MYT1L: variants seen among roughly 807,000 people sequenced by gnomAD.
MYT1L encodes myelin transcription factor 1 like.
A neutral mutation model predicts 126.7 loss-of-function variants in MYT1L; 12 were observed. The observed-to-expected ratio is 0.09, with a 90% confidence interval of 0.06 to 0.15. The LOEUF (loss-of-function observed/expected upper bound fraction) is 0.15. MYT1L is among the 10% of genes least tolerant of loss of function. The pLI, the probability that MYT1L is intolerant of heterozygous loss-of-function variation, is 1.00. For missense variants in MYT1L, 979 were observed against 1,585.2 expected, an observed-to-expected ratio of 0.62 and a Z score of 6.49; for synonymous variants, 541 against 604.2, an observed-to-expected ratio of 0.90 and a Z score of 1.53.
intron 23 of MYT1L, among the ~76,000 whole-genome samples, chr2:1,797,100 T>G (rs1287012917): frequency 6.6e-6 from 1 of 152,160 alleles, no homozygotes; most frequent in Non-Finnish European, 1.5e-5. Flanking sequence ...GTGTCCAGCT[T>G]GGGTGCTTCA....
At chr2:2,194,171 TG>T (rs2092706077) in intron 2 of MYT1L, among the ~76,000 whole-genome samples, 1 of 152,010 alleles carries the variant, frequency 6.6e-6, no homozygotes, top group Admixed American at 6.6e-5. Flanking sequence ...CCTTGACTCC[TG>T]GGGCTCAAGT....
chr2:2,087,940 C>T lies in MYT1L; in HGVS notation c.-303-33817G>A, dbSNP rs542305517. On this transcript the variant is annotated intron_variant, in intron 3 of 24. Transcript: ENST00000647738. ...CCATAGCCTTGCCTTGACCATGCAT[C>T]CACTTTGTGATCACGGCTGAGTTGG... 5.3e-5 allele frequency among the ~76,000 whole-genome samples: 8 copies of T among 152,352 alleles called. No individual in the cohort carries two copies. The South Asian group carries it at 1.7e-3, about 32-fold the overall frequency.
intron 5 of MYT1L, among the ~76,000 whole-genome samples, chr2:1,982,761 G>A (rs2060702823): frequency 6.6e-6 from 1 of 152,122 alleles, no homozygotes; most frequent in Admixed American, 6.5e-5. Context: ...GTTTCCAGCA[G>A]AACAGGGGCC....
intron 8 of MYT1L, among the ~76,000 whole-genome samples, chr2:1,973,106 A>G (rs2059925341): frequency 6.6e-6 from 1 of 152,164 alleles, no homozygotes. Flanking sequence ...CAAAACAGAC[A>G]TGTGAGGAAT....
intron 5 of MYT1L, among the ~76,000 whole-genome samples, chr2:1,986,737 C>T (rs1311023559): frequency 3.3e-5 from 5 of 152,120 alleles, no homozygotes; most frequent in Admixed American, 6.5e-5. Context: ...AAGAGAGAGG[C>T]CTCACTTCAC....
intron 4 of MYT1L, among the ~76,000 whole-genome samples, 193 bp from the exon 5 acceptor site, chr2:1,997,540 C>A (rs758760943): frequency 1.3e-5 from 2 of 152,254 alleles, no homozygotes; most frequent in Non-Finnish European, 2.9e-5. Context: ...TTGACGCCTG[C>A]TGTTCGGACT....
At chr2:2,004,304 TGCGTTCTTTCCTGCAG>T (rs1558698286) in intron 4 of MYT1L, among the ~76,000 whole-genome samples, 1 of 120,542 alleles carries the variant, frequency 8.3e-6, no homozygotes, top group African/African-American at 3.1e-5. Context: ...CTTTCCTGCA[TGCGTTCTTTCCTGCAG>T]GCGTTCTTTC....
At chr2:2,002,243 T>C (rs1464208797) in intron 4 of MYT1L, among the ~76,000 whole-genome samples, 1 of 152,124 alleles carries the variant, frequency 6.6e-6, no homozygotes, top group Non-Finnish European at 1.5e-5. Context: ...CTCTCGACCA[T>C]GAGACTTGGT....
intron 3 of MYT1L, among the ~76,000 whole-genome samples, chr2:2,100,386 A>G (rs1320973087): frequency 1.3e-5 from 2 of 152,066 alleles, no homozygotes; most frequent in African/African-American, 2.4e-5. Flanking sequence ...TTTACCTTAA[A>G]TTTTATTTTG....
chr2:1,990,474 C>T (rs976269352), intron 5 of MYT1L, among the ~76,000 whole-genome samples: 6 of 152,198 alleles, frequency 3.9e-5, no homozygotes, highest in African/African-American at 1.4e-4. Context: ...ACAGGATGAA[C>T]TCAGCACCAA....
chr2:1,925,770 T>G (rs531746178), intron 9 of MYT1L, among the ~76,000 whole-genome samples: 2 of 152,258 alleles, frequency 1.3e-5, no homozygotes, highest in Non-Finnish European at 2.9e-5. Context: ...TGATATGAAA[T>G]TAGAAGTTCT....
intron 18 of MYT1L, among the ~76,000 whole-genome samples, chr2:1,856,315 T>TG (rs2043909885): frequency 6.6e-6 from 1 of 152,204 alleles, no homozygotes; most frequent in Admixed American, 6.5e-5. Flanking sequence ...AAACAATCTC[T>TG]GTGAGCCTGT....
intron 2 of MYT1L, among the ~76,000 whole-genome samples, chr2:2,182,528 TC>T (rs1183055275): frequency 6.6e-6 from 1 of 152,208 alleles, no homozygotes; most frequent in African/African-American, 2.4e-5. Context: ...TCTCTCATTT[TC>T]AGTCTGTATT....
chr2:2,033,896 G>A (rs1177610967), intron 4 of MYT1L, among the ~76,000 whole-genome samples: 1 of 152,176 alleles, frequency 6.6e-6, no homozygotes, highest in African/African-American at 2.4e-5. Flanking sequence ...CACATCCCAG[G>A]TGCATTTCAC....
intron 10 of MYT1L, among the ~76,000 whole-genome samples, chr2:1,921,971 AC>A (rs781742703): frequency 6.6e-6 from 1 of 152,192 alleles, no homozygotes; most frequent in Non-Finnish European, 1.5e-5. Context: ...GCACAGGCTT[AC>A]CCTAATATTT....
chr2:2,329,580 C>A (rs976139090), intron 1 of MYT1L, among the ~76,000 whole-genome samples: 1 of 151,982 alleles, frequency 6.6e-6, no homozygotes, highest in Non-Finnish European at 1.5e-5. Context: ...AAACTTATTT[C>A]TCTGAAAATC....
chr2:1,967,043 A>G (rs1014760052), intron 8 of MYT1L, among the ~76,000 whole-genome samples: 36 of 152,282 alleles, frequency 2.4e-4, no homozygotes, highest in African/African-American at 8.4e-4. Context: ...TTTTGGGGGT[A>G]CAAGTGGCTT....
In MYT1L at chr2:2,023,716, T is replaced by C. The variant is rs145831882; in HGVS notation, c.-157-26369A>G. Among the ~76,000 whole-genome samples, 249 of 152,076 alleles carry C rather than the reference T, an allele frequency of 1.6e-3. 1 individual carries two copies. The highest frequency in any genetic ancestry group is 5.5e-3 in the African/African-American group (229 of 41,486). On this transcript the variant is annotated intron_variant, in intron 4 of 24. Transcript: ENST00000647738. ...TAGCGAGTCTTCCTCTTCGACGAAG[T>C]GAATTCTTCTCTTTCTCAGGGACGC...
At chr2:1,797,516 G>T (rs1032699515) in intron 23 of MYT1L, among the ~76,000 whole-genome samples, 3 of 152,180 alleles carry the variant, frequency 2.0e-5, no homozygotes, top group Non-Finnish European at 4.4e-5. Context: ...CACTGTGCCC[G>T]GCCAGGGGCC....
Sources: allele counts gnomAD v4.1 joint callset (sites outside exome capture counted in the v4.1 genomes callset), GRCh38; gene constraint gnomAD v4.1.1; transcripts MANE v1.5; gene names NCBI Gene and HGNC (gene_info 2026-07-23, HGNC 2026-07-21).